The following ARPC2 variants were observed in gnomAD, a reference collection of about 807,000 sequenced individuals.
ARPC2 encodes the protein actin related protein 2/3 complex subunit 2.
Under a neutral mutation model 38.6 loss-of-function variants are expected in ARPC2, and 4 were observed. That is an observed-to-expected ratio of 0.10 (90% CI 0.05 to 0.24). ARPC2 has a LOEUF of 0.24. Among genes scored for constraint, ARPC2 ranks in the 10% least tolerant of loss-of-function variants. ARPC2 has a pLI of 1.00. For synonymous variants in ARPC2, 125 were observed against 140.8 expected, an observed-to-expected ratio of 0.89 and a Z score of 0.79; for missense variants, 229 against 387.3, an observed-to-expected ratio of 0.59 and a Z score of 3.43.
chr2:218,249,528 A>C, intron 9 of ARPC2, 64 bp downstream of exon 9: 1 of 1,281,818 alleles, frequency 7.8e-7, no homozygotes. Context: ...AGAACTCCTG[A>C]CAGAAAGTCA....
At chr2:218,249,507 T>C (rs1483804048) in intron 9 of ARPC2, 43 bp downstream of exon 9, 11 of 1,438,006 alleles carry the variant, frequency 7.6e-6, no homozygotes, top group African/African-American at 1.4e-5. Context: ...CTCTGGGTCT[T>C]TTCCTCCACC....
intron 2 of ARPC2, 61 bp from the exon 3 acceptor site, chr2:218,225,859 C>T: frequency 6.4e-7 from 1 of 1,555,146 alleles, no homozygotes; most frequent in Non-Finnish European, 8.9e-7. Flanking sequence ...CTTTCCAGTT[C>T]CCTTTGAAGG....
At position 218,238,584 on chromosome 2, in the gene ARPC2, A is replaced by G. The variant is rs565408659; in HGVS notation, c.269-80A>G. ...TCTCTGTTTACTTGGTATAGATAGT[A>G]TGCTGCTTTTTTTTTTTTTTTTTTT... On this transcript the variant is annotated intron_variant, in intron 5 of 10. Transcript: ENST00000315717. 45 of 992,540 alleles carry G rather than the reference A, an allele frequency of 4.5e-5. No homozygotes were observed. The East Asian group carries it at 1.1e-3, about 24-fold the overall frequency. 61.5% of individuals were successfully genotyped at this position (992,540 alleles called of 1,614,324 possible).
chr2:218,242,317 C>A (rs192578746), intron 7 of ARPC2, among the ~76,000 whole-genome samples: 2 of 152,126 alleles, frequency 1.3e-5, no homozygotes. Context: ...TGGAGATTAG[C>A]TTATGGTGAA....
intron 5 of ARPC2, chr2:218,235,658 CT>C (rs1689752294): frequency 6.6e-6 from 1 of 152,226 alleles, no homozygotes; most frequent in Non-Finnish European, 1.5e-5. Flanking sequence ...CTTGGGCATG[CT>C]TGTCACAGCC....
intron 8 of ARPC2, among the ~76,000 whole-genome samples, chr2:218,247,496 C>G (rs920560418): frequency 6.6e-6 from 1 of 152,110 alleles, no homozygotes; most frequent in Non-Finnish European, 1.5e-5. Context: ...TTTTCTTTCT[C>G]TCTGTCACCC....
chr2:218,230,499 A>G (rs554095556), intron 4 of ARPC2, among the ~76,000 whole-genome samples: 2 of 151,092 alleles, frequency 1.3e-5, no homozygotes, highest in African/African-American at 2.4e-5. Context: ...AGGTTTCACT[A>G]TGTTGCCCAG....
intron 4 of ARPC2, chr2:218,233,669 C>T (rs1215895068): frequency 8.0e-6 from 1 of 124,404 alleles, no homozygotes; most frequent in Non-Finnish European, 1.9e-5. Context: ...TCCCGAGAGT[C>T]CTGGTTTTTT....
At chr2:218,252,490 A>G (rs1027937502) in intron 10 of ARPC2, among the ~76,000 whole-genome samples, 12 of 152,088 alleles carry the variant, frequency 7.9e-5, no homozygotes, top group African/African-American at 2.9e-4. Flanking sequence ...ACACAGGAGT[A>G]CTTTTCTCAC....
At chr2:218,231,116 C>G (rs1277933047) in intron 4 of ARPC2, among the ~76,000 whole-genome samples, 3 of 152,138 alleles carry the variant, frequency 2.0e-5, no homozygotes, top group Non-Finnish European at 4.4e-5. Context: ...ATGATAACCA[C>G]AGGAAGGTTA....
chr2:218,248,747 C>G (rs779493639), intron 8 of ARPC2, among the ~76,000 whole-genome samples: 10 of 152,242 alleles, frequency 6.6e-5, no homozygotes, highest in African/African-American at 9.6e-5. Flanking sequence ...CAGGCGTGAG[C>G]CATCGCGCCC....
At chr2:218,247,859 C>T (rs1325680947) in intron 8 of ARPC2, among the ~76,000 whole-genome samples, 1 of 151,546 alleles carries the variant, frequency 6.6e-6, no homozygotes, top group Non-Finnish European at 1.5e-5. Flanking sequence ...AGGAGAATGG[C>T]GTGAACCTGG....
At position 218,249,815 on chromosome 2, in the gene ARPC2, T is replaced by C. The variant is rs1361769458; in HGVS notation, c.778-6T>C. ...GTGCTTTAGTACCTGTTATGTTTGTTCCCAGGCCTATATTCACACACGTAT... is the reference window on the plus strand; with the variant it reads ...GTGCTTTAGTACCTGTTATGTTTGTCCCCAGGCCTATATTCACACACGTAT... On this transcript the variant is annotated splice_region_variant and splice_polypyrimidine_tract_variant and intron_variant, in intron 9 of 10. Transcript: ENST00000315717. 6.2e-7 allele frequency: 1 copy of C among 1,611,842 alleles called. No homozygotes were observed. Among genetic ancestry groups the C allele is most frequent in the Non-Finnish European group, 8.5e-7 (1 of 1,178,518 alleles).
At chr2:218,228,557 G>C (rs535912357) in intron 3 of ARPC2, among the ~76,000 whole-genome samples, 181 bp from the exon 4 acceptor site, 1 of 152,332 alleles carries the variant, frequency 6.6e-6, no homozygotes, top group East Asian at 1.9e-4. Flanking sequence ...AAAGAAACAA[G>C]TGCTCAGCAA....
At chr2:218,232,499 C>T (rs1265862540) in intron 4 of ARPC2, among the ~76,000 whole-genome samples, 7 of 151,734 alleles carry the variant, frequency 4.6e-5, no homozygotes, top group South Asian at 4.2e-4. Context: ...TGCCCTTTCC[C>T]GTCATCCTGT....
At chr2:218,234,681 G>A (rs1179697003) in intron 5 of ARPC2, 1 of 490,952 alleles carries the variant, frequency 2.0e-6, no homozygotes, top group Non-Finnish European at 3.7e-6. Context: ...GGCCACATTT[G>A]TTTGTTCATG....
chr2:218,251,079 A>G (rs1255619639), intron 10 of ARPC2, among the ~76,000 whole-genome samples: 1 of 151,878 alleles, frequency 6.6e-6, no homozygotes, highest in Non-Finnish European at 1.5e-5. Context: ...CAGGCAGTCC[A>G]CCCACCTCGG....
At chr2:218,247,168 T>TG (rs1690058646) in intron 8 of ARPC2, among the ~76,000 whole-genome samples, 1 of 152,144 alleles carries the variant, frequency 6.6e-6, no homozygotes, top group African/African-American at 2.4e-5. Flanking sequence ...AGCAGCTAGA[T>TG]GGGGGTTCTC....
chr2:218,254,087 G>T lies in ARPC2; in HGVS notation c.*172G>T. The stretch of plus-strand genomic sequence containing the variant: ...TGCAGAAACGAGCTGTGCTTGCAAA[G>T]ACTTCATAGTTCCCAAGAATTAAAA... On this transcript the variant is annotated 3_prime_UTR_variant, in exon 11 of 11. Transcript: ENST00000315717. The T allele has an allele frequency of 3.5e-6, 2 of 569,946 alleles. No homozygotes were observed. Among genetic ancestry groups the T allele is most frequent in the Non-Finnish European group, 5.7e-6 (2 of 353,882 alleles). The allele number at this position is 569,946 out of a possible 1,614,324, so 35.3% of individuals were successfully genotyped here. A position where few individuals can be genotyped will look rare whatever the true frequency, so the allele number is the denominator to read the frequency against.
Sources: allele counts gnomAD v4.1 joint callset (sites outside exome capture counted in the v4.1 genomes callset), GRCh38; gene constraint gnomAD v4.1.1; transcripts MANE v1.5; gene names NCBI Gene and HGNC (gene_info 2026-07-23, HGNC 2026-07-21).